Variants in VSTM1 observed in about 807,000 individuals in gnomAD.
VSTM1 encodes V-set and transmembrane domain containing 1, also known as V-set and transmembrane domain-containing protein 1.
In VSTM1, 27 loss-of-function variants were observed where a neutral mutation model predicts 33.1. The ratio of observed to expected loss-of-function variants is 0.82; its 90% CI spans 0.60 to 1.12. The LOEUF (loss-of-function observed/expected upper bound fraction) is 1.12. Among genes scored for constraint, VSTM1 ranks in the 50% most tolerant of loss-of-function variants. The probability of loss-of-function intolerance (pLI) is 0.00; values close to 1 mark genes in which losing one functional copy is unlikely to be tolerated. For missense variants in VSTM1, 304 were observed against 288.9 expected (o/e 1.05, Z -0.38); for synonymous variants, 115 against 110.3 (o/e 1.04, Z -0.27).
chr19:54,049,148 C>T lies in VSTM1; in HGVS notation c.394+2262G>A, dbSNP rs546246354. On this transcript the variant is annotated intron_variant, in intron 4 of 8. Transcript: ENST00000338372. Reference sequence around the variant, plus strand: ...CAAAATGTGGTCTATCCATACAATACGATGCTTTTCACCATGACAAGAAAT... The same window carrying T: ...CAAAATGTGGTCTATCCATACAATATGATGCTTTTCACCATGACAAGAAAT... 5.9e-5 allele frequency among the ~76,000 whole-genome samples: 9 copies of T among 152,182 alleles called. No homozygotes were observed. In the East Asian group the frequency reaches 7.7e-4, roughly 13 times the overall value.
chr19:54,056,955 A>G (rs1294062395), intron 3 of VSTM1, among the ~76,000 whole-genome samples: 1 of 139,166 alleles, frequency 7.2e-6, no homozygotes, highest in African/African-American at 2.7e-5. Flanking sequence ...TGGGCTCAAG[A>G]GATTCTCTTC....
intron 4 of VSTM1, among the ~76,000 whole-genome samples, chr19:54,049,891 G>T (rs991521902): frequency 1.3e-5 from 2 of 151,662 alleles, no homozygotes; most frequent in South Asian, 2.1e-4. Context: ...AAGGAAGGAT[G>T]ATTAAGCATC....
intron 1 of VSTM1, 125 bp downstream of exon 1, chr19:54,063,619 C>A: frequency 8.2e-7 from 1 of 1,224,214 alleles, no homozygotes; most frequent in Non-Finnish European, 1.2e-6. Flanking sequence ...CCAGACCCAC[C>A]CACCGCAGGT....
chr19:54,055,901 T>A (rs2071062144), intron 3 of VSTM1: 2 of 142,406 alleles, frequency 1.4e-5, no homozygotes, highest in South Asian at 2.3e-4. Flanking sequence ...ATTAACCATG[T>A]CTTTCATCTT....
Position 54,058,475 on chromosome 19 carries a change from C to T in VSTM1, c.186G>A (p.Lys62=), listed in dbSNP as rs2071220034. ...HSQNVTFVLR[K]VNDSGYKQEQ... ...CCTGCTTGTACCCAGAGTCGTTCAC[C>T]TTGCGCAGCACAAATGTCACATTCT... The change falls in exon 3 of 9, where the codon AAG becomes AAA. Residue 62 remains lysine, a synonymous_variant. Transcript: ENST00000338372. The T allele has an allele frequency of 6.2e-7, 1 of 1,613,936 alleles. No homozygotes were observed. Among genetic ancestry groups the T allele is most frequent in the Admixed American group, 1.7e-5 (1 of 59,964 alleles).
chr19:54,049,381 C>T (rs1475497479), intron 4 of VSTM1, among the ~76,000 whole-genome samples: 1 of 152,032 alleles, frequency 6.6e-6, no homozygotes, highest in African/African-American at 2.4e-5. Flanking sequence ...TTAATGGGTA[C>T]AAGATTTTCT....
Position 54,052,376 on chromosome 19 carries a change from G to C in VSTM1, c.356-928C>G, listed in dbSNP as rs544840447. The stretch of plus-strand genomic sequence containing the variant: ...TCGCGCCACTGCACTCCAGCCTGAG[G>C]GACAGAGCCAGACTCCGTCTCAAAA... On this transcript the variant is annotated intron_variant, in intron 3 of 8. Transcript: ENST00000338372. 5.2e-4 allele frequency among the ~76,000 whole-genome samples: 63 copies of C among 121,408 alleles called. 7 individuals are homozygous for C. The highest frequency in any genetic ancestry group is 1.3e-3 in the East Asian group (6 of 4,506). The allele number at this position is 121,408 out of a possible 152,430, so 79.6% of individuals were successfully genotyped here. A position where few individuals can be genotyped will look rare whatever the true frequency, so the allele number is the denominator to read the frequency against.
At position 54,054,724 on chromosome 19, in the gene VSTM1, G is replaced by A. The variant is rs1369856018; in HGVS notation, c.356-3276C>T. The stretch of plus-strand genomic sequence containing the variant: ...GAAAGGGTGGATGAGTGGATGAATG[G>A]GTGGAAGGATGGACAAATGAGTGGC... On this transcript the variant is annotated intron_variant, in intron 3 of 8. Coordinates refer to ENST00000338372, the MANE Select transcript of VSTM1 (RefSeq NM_198481.4). Among the ~76,000 whole-genome samples, 3 of 138,544 alleles carry A rather than the reference G, an allele frequency of 2.2e-5. 1 individual carries two copies. In the East Asian group the frequency reaches 6.2e-4, roughly 29 times the overall value. 90.9% of individuals were successfully genotyped at this position (138,544 alleles called of 152,430 possible). A position where few individuals can be genotyped will look rare whatever the true frequency, so the allele number is the denominator to read the frequency against.
intron 3 of VSTM1, chr19:54,055,701 A>G (rs1485727729): frequency 7.0e-6 from 1 of 142,718 alleles, no homozygotes; most frequent in African/African-American, 2.6e-5. Flanking sequence ...ATTACAATAC[A>G]TTCGGTTCCA....
chr19:54,046,483 CATT>C (rs1473598412), intron 4 of VSTM1, among the ~76,000 whole-genome samples: 1 of 152,078 alleles, frequency 6.6e-6, no homozygotes, highest in Non-Finnish European at 1.5e-5. Context: ...GAAACTGACT[CATT>C]GTGTCGGATA....
intron 4 of VSTM1, among the ~76,000 whole-genome samples, chr19:54,050,180 G>T (rs2070772235): frequency 1.3e-5 from 2 of 151,290 alleles, no homozygotes; most frequent in South Asian, 4.2e-4. Flanking sequence ...TGTATTTTTA[G>T]TAGAGACAGG....
chr19:54,063,632 G>C, intron 1 of VSTM1, 112 bp downstream of exon 1: 1 of 1,341,544 alleles, frequency 7.5e-7, no homozygotes, highest in Non-Finnish European at 1.1e-6. Flanking sequence ...CCGCAGGTGT[G>C]CAACACCTGG....
At chr19:54,047,167 C>G (rs560366578) in intron 4 of VSTM1, among the ~76,000 whole-genome samples, 1 of 152,178 alleles carries the variant, frequency 6.6e-6, no homozygotes, top group South Asian at 2.1e-4. Flanking sequence ...TGCACTCCAG[C>G]CTGGGCAACA....
chr19:54,058,181 A>C (rs1443475868), intron 3 of VSTM1, 125 bp downstream of exon 3: 5 of 1,033,454 alleles, frequency 4.8e-6, no homozygotes, highest in Non-Finnish European at 6.9e-6. Flanking sequence ...CAGAAGTTGC[A>C]GTGAGCCGAG....
chr19:54,041,676 G>T, intron 8 of VSTM1, 103 bp downstream of exon 8: 1 of 1,271,526 alleles, frequency 7.9e-7, no homozygotes, highest in Non-Finnish European at 1.1e-6. Flanking sequence ...CCACATGCGT[G>T]ATAAACAGTA....
Position 54,051,468 on chromosome 19 carries a change from A to G in VSTM1, c.356-20T>C, listed in dbSNP as rs763275450. 2 of 1,593,926 alleles carry G rather than the reference A, an allele frequency of 1.3e-6. No individual in the cohort carries two copies. Among genetic ancestry groups the G allele is most frequent in the African/African-American group, 2.7e-5 (2 of 73,256 alleles). On this transcript the variant is annotated intron_variant, in intron 3 of 8. Transcript: ENST00000338372. The stretch of plus-strand genomic sequence containing the variant: ...GTTTATCTAGAAAATAGGAGGGAAG[A>G]AAAGGAATTACACTAATCATACAGG...
rs1390422537 is a variant in VSTM1, at chr19:54,054,224, GAAATCAGGAAACAGTAGATGATATGCC to G, written c.356-2803_356-2777del. Among the ~76,000 whole-genome samples the G allele has an allele frequency of 3.5e-5, 5 of 142,224 alleles. 1 individual carries two copies. The highest frequency in any genetic ancestry group is 7.1e-3 in the Middle Eastern group (2 of 282). The allele number at this position is 142,224 out of a possible 152,430, so 93.3% of individuals were successfully genotyped here. A position where few individuals can be genotyped will look rare whatever the true frequency, so the allele number is the denominator to read the frequency against. On this transcript the variant is annotated intron_variant, in intron 3 of 8. Coordinates refer to ENST00000338372, the MANE Select transcript of VSTM1 (RefSeq NM_198481.4). Reference sequence around the variant, plus strand: ...ATGGTACAGCTGCGATAGAGGTGAAGAAATCAGGAAACAGTAGATGATATGCCAGAGAACATAATTGGGAAATGGCAA... The same window carrying G: ...ATGGTACAGCTGCGATAGAGGTGAAGAGAGAACATAATTGGGAAATGGCAA...
At chr19:54,049,103 C>CA (rs1212910248) in intron 4 of VSTM1, among the ~76,000 whole-genome samples, 4 of 151,618 alleles carry the variant, frequency 2.6e-5, no homozygotes, top group South Asian at 2.1e-4. Flanking sequence ...AAAACAAAAA[C>CA]AAAAAAAAGA....
chr19:54,046,641 C>T (rs2070606708), intron 4 of VSTM1, among the ~76,000 whole-genome samples: 2 of 151,976 alleles, frequency 1.3e-5, no homozygotes, highest in Non-Finnish European at 2.9e-5. Flanking sequence ...ATCGTGGCTT[C>T]TTTCCCTTTC....
Sources: gnomAD v4.1 joint callset for allele counts (sites outside exome capture counted in the v4.1 genomes callset) on GRCh38, gnomAD v4.1.1 for gene constraint, MANE v1.5 for transcripts, NCBI Gene and HGNC (gene_info 2026-07-23, HGNC 2026-07-21) for gene names.